The following MMRN1 variants were observed in gnomAD, a reference collection of about 807,000 sequenced individuals.
MMRN1 encodes multimerin-1.
In MMRN1, 94 loss-of-function variants were observed where a neutral mutation model predicts 100.7. The observed-to-expected ratio is 0.93, with a 90% CI of 0.79 to 1.11. The LOEUF (loss-of-function observed/expected upper bound fraction) is 1.11, where lower values mean the gene tolerates loss of function less well. MMRN1 is among the 50% of genes least tolerant of loss of function. The pLI is 0.00. For synonymous variants in MMRN1, 575 were observed against 505.0 expected, an observed-to-expected ratio of 1.14 and a Z score of -1.86; for missense variants, 1,606 against 1,439.1, an observed-to-expected ratio of 1.12 and a Z score of -1.88.
rs371185292 is a variant in MMRN1 at position 89,894,858 on chromosome 4, C to T, written c.-114C>T. On this transcript the variant is annotated 5_prime_UTR_variant, in exon 1 of 8. Coordinates refer to ENST00000264790, the MANE Select transcript of MMRN1 (RefSeq NM_007351.3). ...ACAGAAACCTGTTTCCTCTACACAT[C>T]TCAAACTGGCAAAACTCAGTCTTAG... 13 of 1,475,604 alleles carry T rather than the reference C, an allele frequency of 8.8e-6. No homozygotes were observed. The African/African-American group carries it at 1.5e-4, about 18-fold the overall frequency. The allele number at this position is 1,475,604 out of a possible 1,614,324, so 91.4% of individuals were successfully genotyped here. A position where few individuals can be genotyped will look rare whatever the true frequency, so the allele number is the denominator to read the frequency against.
chr4:89,946,968 A>G (rs1041396247), intron 6 of MMRN1, among the ~76,000 whole-genome samples: 7 of 152,080 alleles, frequency 4.6e-5, no homozygotes, highest in African/African-American at 1.7e-4. Flanking sequence ...AGGTAAGGGG[A>G]GAAGTTGTGG....
Position 89,953,689 on chromosome 4 carries a change from T to C in MMRN1, c.*271T>C, listed in dbSNP as rs1723256499. 3.8e-6 allele frequency: 1 copy of C among 264,894 alleles called. No individual in the cohort carries two copies. The highest frequency in any genetic ancestry group is 1.2e-4 in the South Asian group (1 of 8,042). The allele number at this position is 264,894 out of a possible 1,614,324, so 16.4% of individuals were successfully genotyped here. On this transcript the variant is annotated 3_prime_UTR_variant, in exon 8 of 8. Transcript: ENST00000264790. ...CATAATTATTCCTATTCTTATTTCT[T>C]CATTTTAAGTCATTGCAATGGAAAG...
chr4:89,919,306 TTTA>T (rs1363110644), intron 3 of MMRN1, among the ~76,000 whole-genome samples: 8 of 151,766 alleles, frequency 5.3e-5, no homozygotes, highest in African/African-American at 1.7e-4. Context: ...ATTGAACATT[TTTA>T]TTATTAGGAA....
chr4:89,924,820 G>C (rs1370776424), intron 4 of MMRN1, among the ~76,000 whole-genome samples: 3 of 152,062 alleles, frequency 2.0e-5, no homozygotes, highest in Non-Finnish European at 4.4e-5. Flanking sequence ...CTGCAGCCTG[G>C]TGACAGAGCG....
Position 89,894,900 on chromosome 4 carries a change from G to A in MMRN1, c.-72G>A. ...CAGTCTTAGCAGATTCAGTGTGGAA[G>A]CAGCTATCAAAAAGGCCATAAGGAT... On this transcript the variant is annotated 5_prime_UTR_variant, in exon 1 of 8. Coordinates refer to ENST00000264790, the MANE Select transcript of MMRN1 (RefSeq NM_007351.3). 1 of 1,534,066 alleles carries A rather than the reference G, an allele frequency of 6.5e-7. No individual in the cohort carries two copies.
At chr4:89,910,293 C>T (rs1478623062) in intron 2 of MMRN1, among the ~76,000 whole-genome samples, 4 of 151,338 alleles carry the variant, frequency 2.6e-5, no homozygotes, top group Non-Finnish European at 4.4e-5. Context: ...CTTGCCAATA[C>T]GAGACACAAA....
intron 1 of MMRN1, among the ~76,000 whole-genome samples, chr4:89,902,470 C>T (rs1721424224): frequency 6.6e-6 from 1 of 151,882 alleles, no homozygotes; most frequent in African/African-American, 2.4e-5. Flanking sequence ...TAAAAATATA[C>T]TACTTTTCAC....
At chr4:89,948,678 T>C (rs542091768) in intron 6 of MMRN1, among the ~76,000 whole-genome samples, 1 of 152,320 alleles carries the variant, frequency 6.6e-6, no homozygotes, top group South Asian at 2.1e-4. Context: ...TGGTACAATA[T>C]GTCCAGTTCT....
rs1172420253 is a variant in MMRN1 at position 89,935,302 on chromosome 4, A to C, written c.1622A>C (p.Asn541Thr). ...CCAGCTGCTGAGTCAGTTAGCAATAATGTCACTGAGTACATGTCTACTTTA... is the reference window on the plus strand; with the variant it reads ...CCAGCTGCTGAGTCAGTTAGCAATACTGTCACTGAGTACATGTCTACTTTA... ...NAPAAESVSNNVTEYMSTLHE... is the reference protein window; with the variant it reads ...NAPAAESVSNTVTEYMSTLHE... The change falls in exon 6 of 8, where the codon AAT (asparagine) becomes ACT (threonine). Residue 541 changes from asparagine (N) to threonine (T), a missense_variant. By Grantham distance (65) the Asn-to-Thr change is moderately conservative. Transcript: ENST00000264790. The C allele has an allele frequency of 6.2e-7, 1 of 1,613,770 alleles. No individual in the cohort carries two copies. Among genetic ancestry groups the C allele is most frequent in the East Asian group, 2.2e-5 (1 of 44,846 alleles).
intron 3 of MMRN1, among the ~76,000 whole-genome samples, chr4:89,917,533 A>G (rs1721960113): frequency 6.6e-6 from 1 of 151,990 alleles, no homozygotes; most frequent in African/African-American, 2.4e-5. Flanking sequence ...TGTCTATAAT[A>G]CAGTCTAAAA....
intron 5 of MMRN1, among the ~76,000 whole-genome samples, chr4:89,929,163 A>T (rs1024413721): frequency 3.9e-5 from 6 of 152,230 alleles, no homozygotes; most frequent in Admixed American, 3.9e-4. Flanking sequence ...GGTTTATTGT[A>T]TGAAACTTGT....
chr4:89,906,163 A>G (rs1721558386), intron 1 of MMRN1, among the ~76,000 whole-genome samples: 1 of 151,514 alleles, frequency 6.6e-6, no homozygotes, highest in Non-Finnish European at 1.5e-5. Flanking sequence ...AGTTTCCTGA[A>G]AGACTGAGTT....
intron 1 of MMRN1, among the ~76,000 whole-genome samples, chr4:89,887,560 T>G (rs1720965177): frequency 6.6e-6 from 1 of 152,102 alleles, no homozygotes; most frequent in African/African-American, 2.4e-5. Context: ...TATTCAGTAT[T>G]ATGTGTTCTT....
At chr4:89,893,914 G>T (rs1293875304), upstream of MMRN1, among the ~76,000 whole-genome samples, 1 of 151,986 alleles carries the variant, frequency 6.6e-6, no homozygotes, top group Non-Finnish European at 1.5e-5. Context: ...AGATTTGCTG[G>T]AGAAATTAAA....
chr4:89,883,534 T>C lies in MMRN1; in HGVS notation c.-249+3932T>C, dbSNP rs553972662. Among the ~76,000 whole-genome samples the C allele has an allele frequency of 3.3e-5, 5 of 152,254 alleles. No individual in the cohort carries two copies. In the South Asian group the frequency reaches 6.2e-4, roughly 19 times the overall value. On this transcript the variant is annotated intron_variant, in intron 1 of 8. Transcript: ENST00000394980. Reference sequence around the variant, plus strand: ...TTTTCACATGTCTGTTAGCCAGTTGTGTATCTTCCTTTGTGATGTGTCTGT... The same window carrying C: ...TTTTCACATGTCTGTTAGCCAGTTGCGTATCTTCCTTTGTGATGTGTCTGT...
At chr4:89,890,316 C>T (rs1721024740), upstream of MMRN1, among the ~76,000 whole-genome samples, 1 of 150,208 alleles carries the variant, frequency 6.7e-6, no homozygotes, top group South Asian at 2.1e-4. Flanking sequence ...TCCAGGCTGA[C>T]AATTCTCTAG....
intron 3 of MMRN1, among the ~76,000 whole-genome samples, chr4:89,922,692 G>A (rs910241178): frequency 6.6e-6 from 1 of 152,056 alleles, no homozygotes; most frequent in Non-Finnish European, 1.5e-5. Flanking sequence ...CATTTAAGTG[G>A]CACTATTAAT....
At chr4:89,933,331 C>T (rs1221312181) in intron 5 of MMRN1, among the ~76,000 whole-genome samples, 1 of 152,132 alleles carries the variant, frequency 6.6e-6, no homozygotes, top group Non-Finnish European at 1.5e-5. Context: ...CTGACATATT[C>T]CCGTCTTCTT....
chr4:89,932,522 A>G (rs1477194858), intron 5 of MMRN1, among the ~76,000 whole-genome samples: 1 of 152,152 alleles, frequency 6.6e-6, no homozygotes, highest in Non-Finnish European at 1.5e-5. Flanking sequence ...GAGGTTCTCT[A>G]TGAAGGCTGT....
Sources: gnomAD v4.1 joint callset for allele counts (sites outside exome capture counted in the v4.1 genomes callset) on GRCh38, gnomAD v4.1.1 for gene constraint, MANE v1.5 for transcripts, NCBI Gene and HGNC (gene_info 2026-07-23, HGNC 2026-07-21) for gene names.